EXOSC10: variants seen among roughly 807,000 people sequenced by gnomAD.
EXOSC10 encodes exosome complex component 10.
EXOSC10 carries 94 observed loss-of-function variants against 126.6 expected under a neutral mutation model. The observed-to-expected ratio is 0.74, with a 90% CI of 0.63 to 0.88. The LOEUF (loss-of-function observed/expected upper bound fraction) is 0.88, where lower values mean the gene tolerates loss of function less well. Among genes scored for constraint, EXOSC10 ranks in the 40% least tolerant of loss-of-function variants. The pLI is 0.00. For missense variants in EXOSC10, 1,041 were observed against 1,100.5 expected (o/e 0.95, Z 0.77); for synonymous variants, 395 against 400.8 (o/e 0.99, Z 0.17).
chr1:11,070,265 T>TTA (rs1553164375), intron 21 of EXOSC10, among the ~76,000 whole-genome samples: 5 of 100,594 alleles, frequency 5.0e-5, no homozygotes, highest in East Asian at 5.6e-4. Context: ...AAAAGGAAAT[T>TTA]AAAAAAAAAA....
intron 21 of EXOSC10, among the ~76,000 whole-genome samples, 162 bp from the exon 22 acceptor site, chr1:11,069,892 G>A (rs1049557123): frequency 2.6e-5 from 4 of 152,128 alleles, no homozygotes; most frequent in Non-Finnish European, 4.4e-5. Context: ...CCAACACTCA[G>A]GGTCAGCTGA....
intron 21 of EXOSC10, chr1:11,070,572 C>G: frequency 5.1e-6 from 1 of 196,486 alleles, no homozygotes. Flanking sequence ...GGGTTTCATT[C>G]TCTAGAATGC....
chr1:11,083,625 T>G (rs1640311541), intron 9 of EXOSC10, among the ~76,000 whole-genome samples: 1 of 151,850 alleles, frequency 6.6e-6, no homozygotes, highest in Non-Finnish European at 1.5e-5. Flanking sequence ...AAAAAAATTT[T>G]TTTTTAAATT....
chr1:11,074,581 T>C (rs1639708331), intron 17 of EXOSC10, among the ~76,000 whole-genome samples: 1 of 151,930 alleles, frequency 6.6e-6, no homozygotes, highest in South Asian at 2.1e-4. Flanking sequence ...CCCAGCTAAT[T>C]TTTGTATTTT....
chr1:11,094,888 C>A (rs543541300), intron 3 of EXOSC10, among the ~76,000 whole-genome samples: 1 of 152,036 alleles, frequency 6.6e-6, no homozygotes, highest in Non-Finnish European at 1.5e-5. Context: ...GTGTGAGCCA[C>A]CACACCTGGC....
intron 1 of EXOSC10, among the ~76,000 whole-genome samples, chr1:11,099,387 C>T (rs538697430): frequency 1.3e-5 from 2 of 152,274 alleles, no homozygotes; most frequent in Middle Eastern, 3.4e-3. Flanking sequence ...CGAGCCCCTG[C>T]GGAGAGCTGG....
intron 17 of EXOSC10, among the ~76,000 whole-genome samples, chr1:11,075,461 C>G (rs995617961): frequency 1.1e-4 from 17 of 152,126 alleles, no homozygotes; most frequent in African/African-American, 4.1e-4. Context: ...TGCAGGGAGA[C>G]CACAGCCTCC....
At position 11,092,097 on chromosome 1, in the gene EXOSC10, A is replaced by G. The variant is rs149119008; in HGVS notation, c.373-500T>C. ...TGTATCAAAACATCAAGTTGTATGT[A>G]ATAAATATATAGATGGTCCCCAATG... On this transcript the variant is annotated intron_variant, in intron 3 of 24. Coordinates refer to ENST00000376936, the MANE Select transcript of EXOSC10 (RefSeq NM_001001998.3). Among the ~76,000 whole-genome samples the G allele has an allele frequency of 8.0e-3, 1,215 of 152,350 alleles. 24 individuals carry two copies. Among genetic ancestry groups the G allele is most frequent in the African/African-American group, 0.028 (1,148 of 41,580 alleles).
intron 3 of EXOSC10, among the ~76,000 whole-genome samples, chr1:11,094,876 A>T (rs1640988356): frequency 6.6e-6 from 1 of 150,386 alleles, no homozygotes; most frequent in Non-Finnish European, 1.5e-5. Context: ...CTGGGATTGT[A>T]GGTGTGAGCC....
Position 11,082,725 on chromosome 1 carries a change from A to C in EXOSC10, c.1243T>G (p.Ser415Ala), listed in dbSNP as rs1359048856. The C allele has an allele frequency of 6.2e-6, 10 of 1,614,084 alleles. No individual in the cohort carries two copies. The highest frequency in any genetic ancestry group is 8.5e-6 in the Non-Finnish European group (10 of 1,180,046). ...TCAGCCAGCTGATATTGCTTGTTTG[A>C]GTCCACGTTGCAGTAGAGTTTCAGG... ...HLLKLYCNVD[S>A]NKQYQLADWR... The change falls in exon 10 of 25, where the codon TCA (serine) becomes GCA (alanine). Residue 415 changes from serine to alanine, a missense_variant. Ser to Ala is a moderately conservative substitution (Grantham distance 99). This residue lies in a region of EXOSC10 where 645 missense variants were observed against 656.3 expected (regional missense o/e 0.98). Coordinates refer to ENST00000376936, the MANE Select transcript of EXOSC10 (RefSeq NM_001001998.3).
chr1:11,097,595 G>T (rs528942608), intron 2 of EXOSC10, among the ~76,000 whole-genome samples: 1 of 151,140 alleles, frequency 6.6e-6, no homozygotes, highest in South Asian at 2.1e-4. Context: ...GCGTGTTGAC[G>T]GGCACCTGTA....
intron 17 of EXOSC10, among the ~76,000 whole-genome samples, chr1:11,074,713 G>A (rs1045916230): frequency 1.3e-5 from 2 of 151,762 alleles, no homozygotes; most frequent in African/African-American, 4.8e-5. Context: ...GCACGCACCC[G>A]GCCAGTAACA....
In EXOSC10 at chr1:11,073,800, C is replaced by CCT. The variant is rs1291396019; in HGVS notation, c.2157+132_2157+133dup. On this transcript the variant is annotated intron_variant, in intron 19 of 24. Transcript: ENST00000376936. ...GGAGGCTGAGGCAGAACTGCTTGAA[C>CCT]CTGGGAGGTGGAGGTTGCAGTGAGT... 79 of 657,270 alleles carry CCT rather than the reference C, an allele frequency of 1.2e-4. 1 individual carries two copies. The highest frequency in any genetic ancestry group is 9.4e-4 in the South Asian group (48 of 51,098). 40.7% of individuals were successfully genotyped at this position (657,270 alleles called of 1,614,324 possible). A position where few individuals can be genotyped will look rare whatever the true frequency, so the allele number is the denominator to read the frequency against.
In EXOSC10 at chr1:11,070,983, A is replaced by G. The variant is rs1639453039; in HGVS notation, c.2243-10T>C. 1 of 1,613,296 alleles carries G rather than the reference A, an allele frequency of 6.2e-7. No homozygotes were observed. Among genetic ancestry groups the G allele is most frequent in the Admixed American group, 1.7e-5 (1 of 59,904 alleles). ...GCCTGTTCCCGGGCAGCTGCAAGGG[A>G]GAGAACTTGTCTCTGGAGTTGGTGA... On this transcript the variant is annotated splice_polypyrimidine_tract_variant and intron_variant, in intron 20 of 24. Coordinates refer to ENST00000376936, the MANE Select transcript of EXOSC10 (RefSeq NM_001001998.3).
chr1:11,077,691 A>G, intron 14 of EXOSC10, 40 bp from the exon 15 acceptor site: 1 of 1,577,454 alleles, frequency 6.3e-7, no homozygotes, highest in South Asian at 1.2e-5. Flanking sequence ...AAGTTGCCCA[A>G]GCACCTCAAG....
intron 23 of EXOSC10, 39 bp downstream of exon 23, chr1:11,068,606 G>A (rs565450259): frequency 1.6e-5 from 24 of 1,541,872 alleles, no homozygotes; most frequent in South Asian, 8.9e-5. Context: ...AGAAACAGGC[G>A]CCACCAGCGT....
intron 2 of EXOSC10, among the ~76,000 whole-genome samples, chr1:11,096,761 G>A (rs568940876): frequency 6.1e-4 from 93 of 152,128 alleles, no homozygotes; most frequent in Non-Finnish European, 1.1e-3. Context: ...TTACAGGCAT[G>A]AGCCGCCATG....
At position 11,072,169 on chromosome 1, in the gene EXOSC10, G is replaced by A; in HGVS notation, c.2160C>T (p.Ile720=). The A allele has an allele frequency of 6.2e-7, 1 of 1,606,956 alleles. No homozygotes were observed. Among genetic ancestry groups the A allele is most frequent in the Non-Finnish European group, 8.5e-7 (1 of 1,176,696 alleles). ...CCTGGGCCAGCTTCCAGCGGTTGCT[G>A]ATCTATAATGAAAGCAAATATAACA... ...KFDPSTKIYE[I]SNRWKLAQVQ... The change falls in exon 20 of 25, where the codon ATC becomes ATT. Residue 720 remains isoleucine, a splice_region_variant and synonymous_variant. Coordinates refer to ENST00000376936, the MANE Select transcript of EXOSC10 (RefSeq NM_001001998.3).
At chr1:11,071,102 C>A in intron 20 of EXOSC10, 129 bp from the exon 21 acceptor site, 1 of 741,714 alleles carries the variant, frequency 1.3e-6, no homozygotes, top group South Asian at 1.7e-5. Flanking sequence ...CTCTCAGGTC[C>A]CCGGTCCCCC....
Sources: allele counts gnomAD v4.1 joint callset (sites outside exome capture counted in the v4.1 genomes callset), GRCh38; gene constraint gnomAD v4.1.1; regional missense constraint gnomAD v4.1.1; transcripts MANE v1.5; gene names NCBI Gene and HGNC (gene_info 2026-07-23, HGNC 2026-07-21).